The following PEX13 variants were observed in gnomAD, a reference collection of about 807,000 sequenced individuals.
The protein encoded by PEX13 is peroxisomal biogenesis factor 13.
In PEX13, 28 loss-of-function variants were observed where a neutral mutation model predicts 34.5. The ratio of observed to expected loss-of-function variants is 0.81; its 90% CI spans 0.60 to 1.11. The LOEUF (loss-of-function observed/expected upper bound fraction) is 1.11. Ranked by LOEUF, PEX13 falls within the 50% of genes most tolerant of loss-of-function variation. PEX13 has a pLI of 0.00. For synonymous variants in PEX13, 177 were observed against 175.1 expected (o/e 1.01, Z -0.09); for missense variants, 550 against 491.0 (o/e 1.12, Z -1.13).
chr2:61,047,771 A>G (rs974936280), intron 3 of PEX13, among the ~76,000 whole-genome samples: 6 of 152,214 alleles, frequency 3.9e-5, no homozygotes, highest in Admixed American at 6.5e-5. Context: ...ATTAAACATT[A>G]AAAAGTCTTA....
At chr2:61,044,338 G>A (rs542182405) in intron 2 of PEX13, among the ~76,000 whole-genome samples, 3 of 152,020 alleles carry the variant, frequency 2.0e-5, no homozygotes, top group South Asian at 2.1e-4. Flanking sequence ...GTGCAGTCTC[G>A]GCTCACTGCA....
intron 2 of PEX13, among the ~76,000 whole-genome samples, chr2:61,045,488 C>T (rs1475176859): frequency 1.3e-5 from 2 of 152,098 alleles, no homozygotes; most frequent in Non-Finnish European, 2.9e-5. Flanking sequence ...AAAAAATTTG[C>T]CAACCCCTGG....
intron 2 of PEX13, 95 bp downstream of exon 2, chr2:61,032,208 T>A: frequency 1.1e-6 from 1 of 912,994 alleles, no homozygotes; most frequent in Non-Finnish European, 1.7e-6. Context: ...GATTTGTATT[T>A]ACTGTTTCCA....
At chr2:61,035,573 G>T (rs1018460128) in intron 2 of PEX13, among the ~76,000 whole-genome samples, 1 of 151,968 alleles carries the variant, frequency 6.6e-6, no homozygotes, top group African/African-American at 2.4e-5. Flanking sequence ...TAAAAACCTT[G>T]AAAAAAGGTT....
chr2:61,020,375 T>C (rs17539290), intron 1 of PEX13, among the ~76,000 whole-genome samples: 28,973 of 151,084 alleles, frequency 0.19, 3,049 homozygotes, highest in Middle Eastern at 0.32. Flanking sequence ...TTAACTGGTA[T>C]GGCAGAATGC....
chr2:61,034,670 C>T (rs1573555063), intron 2 of PEX13, among the ~76,000 whole-genome samples: 1 of 152,348 alleles, frequency 6.6e-6, no homozygotes, highest in Non-Finnish European at 1.5e-5. Context: ...GTGCCTGGCT[C>T]GGCAGGTCCC....
At chr2:61,030,871 A>G (rs189687676) in intron 1 of PEX13, among the ~76,000 whole-genome samples, 1 of 152,302 alleles carries the variant, frequency 6.6e-6, no homozygotes, top group East Asian at 1.9e-4. Flanking sequence ...AGGGGTGGGC[A>G]GGAAATGGGG....
chr2:61,040,142 G>A (rs1286167234), intron 2 of PEX13, among the ~76,000 whole-genome samples: 6 of 152,176 alleles, frequency 3.9e-5, no homozygotes, highest in Non-Finnish European at 7.3e-5. Flanking sequence ...GTTGGTGGGA[G>A]TGTAAATTAG....
In PEX13 at chr2:61,045,744, G is replaced by A; in HGVS notation, c.806G>A (p.Ser269Asn). ...CTTATAGACAGCATCAACTGGGCAA[G>A]TGGTGAGGATGACCATGTAGTTGCC... ...DEVTDSINWA[S>N]GEDDHVVARA... Residue 269 changes from serine (S) to asparagine (N), a missense_variant, in exon 3 of 4, where the codon AGT becomes AAT. Transcript: ENST00000295030. 1.2e-6 allele frequency: 2 copies of A among 1,613,484 alleles called. No homozygotes were observed. The highest frequency in any genetic ancestry group is 1.7e-6 in the Non-Finnish European group (2 of 1,179,432).
chr2:61,033,723 G>A (rs185846661), intron 2 of PEX13, among the ~76,000 whole-genome samples: 19 of 152,286 alleles, frequency 1.2e-4, no homozygotes, highest in Non-Finnish European at 2.5e-4. Context: ...AGTTAAGGGA[G>A]TAAGTCCTAC....
intron 1 of PEX13, chr2:61,018,845 C>G (rs1680178559): frequency 6.6e-6 from 1 of 152,130 alleles, no homozygotes; most frequent in Non-Finnish European, 1.5e-5. Flanking sequence ...TCTTTTTTCC[C>G]CATTTAGGCT....
At chr2:61,021,712 C>T (rs1680267387) in intron 1 of PEX13, among the ~76,000 whole-genome samples, 1 of 152,220 alleles carries the variant, frequency 6.6e-6, no homozygotes, top group Non-Finnish European at 1.5e-5. Context: ...GACAGACGGC[C>T]TCCTCAAGTG....
intron 1 of PEX13, among the ~76,000 whole-genome samples, chr2:61,023,071 C>A (rs898906722): frequency 6.6e-6 from 1 of 151,856 alleles, no homozygotes; most frequent in African/African-American, 2.4e-5. Flanking sequence ...GTGGTGCAGT[C>A]ATGGCTCACT....
At chr2:61,023,167 A>G (rs966320488) in intron 1 of PEX13, among the ~76,000 whole-genome samples, 6 of 151,384 alleles carry the variant, frequency 4.0e-5, no homozygotes, top group Admixed American at 3.3e-4. Context: ...ACCATGCCCA[A>G]CTAATTTTTA....
At position 61,051,854 on chromosome 2, in the gene PEX13, T is replaced by C. The variant is rs185716161; in HGVS notation, c.*3084T>C. On this transcript the variant is annotated 3_prime_UTR_variant, in exon 4 of 4. Coordinates refer to ENST00000295030, the MANE Select transcript of PEX13 (RefSeq NM_002618.4). ...TTCTGTCTGTGTCATAATTACACAT[T>C]TACTTGAACACAGCTATCCTTTATC... 1 of 152,486 alleles carries C rather than the reference T, an allele frequency of 6.6e-6. No individual in the cohort carries two copies. The highest frequency in any genetic ancestry group is 2.4e-5 in the African/African-American group (1 of 41,592). 9.4% of individuals were successfully genotyped at this position (152,486 alleles called of 1,614,324 possible).
chr2:61,024,033 G>C (rs887695708), intron 1 of PEX13, among the ~76,000 whole-genome samples: 1 of 152,132 alleles, frequency 6.6e-6, no homozygotes, highest in African/African-American at 2.4e-5. Context: ...CTGGGCTCAA[G>C]TGATCTTCCC....
Position 61,048,590 on chromosome 2 carries a change from A to C in PEX13, c.1032A>C (p.Glu344Asp). Residue 344 changes from glutamate to aspartate, a missense_variant, in exon 4 of 4, where the codon GAA (glutamate) becomes GAC (aspartate). Physicochemically the swap from Glu to Asp is conservative, Grantham distance 45. Coordinates refer to ENST00000295030, the MANE Select transcript of PEX13 (RefSeq NM_002618.4). ...AAAGAAAAGGTAGGAAAACGGTGGA[A>C]TCAAGTAAAGTTTCCAAGCAGCAAC... ...LGKRKGRKTV[E>D]SSKVSKQQQS... The C allele has an allele frequency of 6.2e-7, 1 of 1,614,164 alleles. No individual in the cohort carries two copies. The highest frequency in any genetic ancestry group is 8.5e-7 in the Non-Finnish European group (1 of 1,180,024).
intron 1 of PEX13, among the ~76,000 whole-genome samples, chr2:61,030,110 A>G (rs1039590722): frequency 1.3e-5 from 2 of 152,200 alleles, no homozygotes; most frequent in Non-Finnish European, 2.9e-5. Flanking sequence ...GATACATGCT[A>G]TAAAATGGAT....
intron 1 of PEX13, among the ~76,000 whole-genome samples, chr2:61,029,388 A>G (rs965025164): frequency 6.6e-6 from 1 of 152,190 alleles, no homozygotes; most frequent in Non-Finnish European, 1.5e-5. Flanking sequence ...TACATTGGCG[A>G]GAATGTAAAA....
Sources: gnomAD v4.1 joint callset for allele counts (sites outside exome capture counted in the v4.1 genomes callset) on GRCh38, gnomAD v4.1.1 for gene constraint, MANE v1.5 for transcripts, NCBI Gene and HGNC (gene_info 2026-07-23, HGNC 2026-07-21) for gene names.